Variants in SLC9A3 observed in about 807,000 individuals in gnomAD.
The protein encoded by SLC9A3 is sodium/hydrogen exchanger 3.
A neutral mutation model predicts 86.8 loss-of-function variants in SLC9A3; 37 were observed. The observed-to-expected ratio is 0.43, with a 90% CI of 0.33 to 0.56. SLC9A3 has a LOEUF of 0.56. SLC9A3 is among the 20% of genes least tolerant of loss of function. The pLI, the probability that SLC9A3 is intolerant of heterozygous loss-of-function variation, is 0.06. For missense variants in SLC9A3, 1,011 were observed against 1,171.9 expected (o/e 0.86, Z 2.00); for synonymous variants, 581 against 528.3 (o/e 1.10, Z -1.37).
chr5:495,418 C>G (rs902328710), intron 1 of SLC9A3, among the ~76,000 whole-genome samples: 423 of 141,084 alleles, frequency 3.0e-3, no homozygotes, highest in African/African-American at 0.011. Flanking sequence ...CTCCACTCCC[C>G]GCGCCATCGC....
intron 1 of SLC9A3, among the ~76,000 whole-genome samples, chr5:512,893 C>T (rs1733599960): frequency 6.6e-6 from 1 of 152,150 alleles, no homozygotes; most frequent in African/African-American, 2.4e-5. Flanking sequence ...CCTGACCCAC[C>T]TATCAATTCT....
chr5:471,774 A>G lies in SLC9A3; in HGVS notation c.*1605T>C, dbSNP rs1051549215. The G allele has an allele frequency of 2.2e-6, 1 of 456,374 alleles. No homozygotes were observed. Among genetic ancestry groups the G allele is most frequent in the African/African-American group, 2.0e-5 (1 of 50,092 alleles). 28.3% of individuals were successfully genotyped at this position (456,374 alleles called of 1,614,324 possible). A position where few individuals can be genotyped will look rare whatever the true frequency, so the allele number is the denominator to read the frequency against. On this transcript the variant is annotated 3_prime_UTR_variant, in exon 17 of 17. Transcript: ENST00000264938. ...AACAGTGACTGCAGTTAGGGTCGAG[A>G]GCTTCTCCGAAGCAGCGGTCATGCA...
In SLC9A3 at chr5:491,916, T is replaced by C; in HGVS notation, c.367A>G (p.Ile123Val). The C allele has an allele frequency of 6.2e-7, 1 of 1,611,204 alleles. No individual in the cohort carries two copies. The highest frequency in any genetic ancestry group is 8.5e-7 in the Non-Finnish European group (1 of 1,179,444). The change falls in exon 2 of 17, where the codon ATC (isoleucine) becomes GTC (valine). Residue 123 changes from isoleucine to valine, a missense_variant. Coordinates refer to ENST00000264938, the MANE Select transcript of SLC9A3 (RefSeq NM_004174.4). This position sits in a 1 kb window ranked among gnomAD's most constrained non-coding sequence, Gnocchi z 9.2. ...ATGAAGTAGCCGGCGTCCAGCACGA[T>C]GGGGGGCAGCAGGTAGAAGAAGAAG... ...TVFFFYLLPP[I>V]VLDAGYFMPN...
At chr5:507,255 G>GC (rs771190236) in intron 1 of SLC9A3, among the ~76,000 whole-genome samples, 26 of 117,022 alleles carry the variant, frequency 2.2e-4, no homozygotes, top group Admixed American at 6.1e-4. Context: ...TGCAAGCTCC[G>GC]CTCCCGGGTT....
chr5:484,781 C>T, intron 4 of SLC9A3, 84 bp from the exon 5 acceptor site: 1 of 1,310,964 alleles, frequency 7.6e-7, no homozygotes, highest in Non-Finnish European at 1.1e-6. Context: ...CGCGGAAGTG[C>T]CGGGAGCCCG....
intron 9 of SLC9A3, 89 bp downstream of exon 9, chr5:481,476 T>C: frequency 1.8e-6 from 2 of 1,109,146 alleles, no homozygotes; most frequent in Non-Finnish European, 2.8e-6. Flanking sequence ...CAAACAGTTG[T>C]TATGCATGTG....
Position 473,250 on chromosome 5 carries a change from G to T in SLC9A3, c.*129C>A, listed in dbSNP as rs1431344347. 2.9e-6 allele frequency: 3 copies of T among 1,039,494 alleles called. No individual in the cohort carries two copies. The highest frequency in any genetic ancestry group is 3.6e-4 in the Middle Eastern group (1 of 2,794). The allele number at this position is 1,039,494 out of a possible 1,614,324, so 64.4% of individuals were successfully genotyped here. ...CTGCGCAGGCGCTGGCGTGGGCGAG[G>T]CGGGGCTCGGGGCTCGCGGTCGCTG... On this transcript the variant is annotated 3_prime_UTR_variant, in exon 17 of 17. Coordinates refer to ENST00000264938, the MANE Select transcript of SLC9A3 (RefSeq NM_004174.4).
At chr5:492,421 G>A (rs1468015021) in intron 1 of SLC9A3, among the ~76,000 whole-genome samples, 3 of 135,518 alleles carry the variant, frequency 2.2e-5, no homozygotes, top group East Asian at 2.2e-4. Context: ...TGGGACCTGC[G>A]GGGGAGGGGA....
intron 1 of SLC9A3, among the ~76,000 whole-genome samples, chr5:492,660 G>GT (rs1553997270): frequency 8.7e-6 from 1 of 114,550 alleles, no homozygotes; most frequent in Non-Finnish European, 2.0e-5. Flanking sequence ...GACGGTGGTC[G>GT]GGGGGGGGCC....
At chr5:523,047 C>T (rs1399807403) in intron 1 of SLC9A3, among the ~76,000 whole-genome samples, 2 of 152,094 alleles carry the variant, frequency 1.3e-5, no homozygotes, top group Non-Finnish European at 2.9e-5. Flanking sequence ...GAGGAGGCTG[C>T]GGAGAAGGGA....
chr5:474,762 GGAGAGGA>G, intron 16 of SLC9A3, 114 bp downstream of exon 16: 1 of 110,016 alleles, frequency 9.1e-6, no homozygotes, highest in Non-Finnish European at 1.9e-5. Context: ...AGACCTGGAG[GGAGAGGA>G]GCTGCGGAGA....
In SLC9A3 at chr5:476,239, G is replaced by A. The variant is rs778453702; in HGVS notation, c.2030C>T (p.Ala677Val). The change falls in exon 13 of 17, where the codon GCG becomes GTG. Residue 677 changes from alanine (A) to valine (V), a missense_variant. Ala to Val is a moderately conservative substitution (Grantham distance 64, BLOSUM62 0). Transcript: ENST00000264938. Reference protein sequence around the residue: ...TKLGLNQNKKAAKLYKRERAQ... With the variant: ...TKLGLNQNKKVAKLYKRERAQ... ...ACGCTCCCGCTTGTACAGCTTGGCC[G>A]CCTTCTTGTTCTGGTTGAGCCCCAG... 9.3e-6 allele frequency: 15 copies of A among 1,613,740 alleles called. No homozygotes were observed. Among genetic ancestry groups the A allele is most frequent in the African/African-American group, 5.3e-5 (4 of 74,914 alleles).
rs568614116 is a variant in SLC9A3 at position 492,690 on chromosome 5, G to A, written c.212-619C>T. Among the ~76,000 whole-genome samples the A allele has an allele frequency of 1.1e-4, 16 of 152,066 alleles. No homozygotes were observed. The South Asian group carries it at 2.3e-3, about 22-fold the overall frequency. ...GGGGCCTCTGACCTGCCGCCCCACCGCCCGGCTGGTTCTGGTCCCCCGGAC... is the reference window on the plus strand; with the variant it reads ...GGGGCCTCTGACCTGCCGCCCCACCACCCGGCTGGTTCTGGTCCCCCGGAC... On this transcript the variant is annotated intron_variant, in intron 1 of 16. Coordinates refer to ENST00000264938, the MANE Select transcript of SLC9A3 (RefSeq NM_004174.4).
chr5:488,782 G>A (rs547842381), intron 2 of SLC9A3, among the ~76,000 whole-genome samples: 2 of 152,260 alleles, frequency 1.3e-5, no homozygotes, highest in Admixed American at 1.3e-4. Context: ...CGCATGCTGG[G>A]GAGGGATGGG....
intron 2 of SLC9A3, among the ~76,000 whole-genome samples, chr5:489,347 C>CT: frequency 6.6e-6 from 1 of 152,194 alleles, no homozygotes; most frequent in Non-Finnish European, 1.5e-5. Context: ...CCGACGAGTC[C>CT]CCCCGCACAG....
intron 10 of SLC9A3, 86 bp downstream of exon 10, chr5:479,750 G>A: frequency 7.3e-7 from 1 of 1,365,564 alleles, no homozygotes; most frequent in South Asian, 1.2e-5. Context: ...CGGGTGCAGG[G>A]GCCTCTCCTC....
intron 1 of SLC9A3, among the ~76,000 whole-genome samples, chr5:494,695 C>T (rs933279764): frequency 3.9e-5 from 6 of 152,180 alleles, no homozygotes; most frequent in Non-Finnish European, 7.4e-5. Context: ...TGCCCGGTGC[C>T]GGCGCCTGCC....
At chr5:518,406 G>C (rs999130361) in intron 1 of SLC9A3, among the ~76,000 whole-genome samples, 7 of 151,854 alleles carry the variant, frequency 4.6e-5, no homozygotes, top group African/African-American at 1.2e-4. Flanking sequence ...GGCACTTGGA[G>C]ATCTGGCATC....
intron 1 of SLC9A3, among the ~76,000 whole-genome samples, chr5:515,495 G>A (rs768655924): frequency 5.3e-5 from 8 of 152,040 alleles, no homozygotes; most frequent in South Asian, 2.1e-4. Context: ...GCTGGCAGTC[G>A]GATAGAACAG....
Sources: allele counts gnomAD v4.1 joint callset (sites outside exome capture counted in the v4.1 genomes callset), GRCh38; gene constraint gnomAD v4.1.1; non-coding constraint Gnocchi (gnomAD v3.1); transcripts MANE v1.5; gene names NCBI Gene and HGNC (gene_info 2026-07-23, HGNC 2026-07-21).